Variants in PTPRN2 observed in about 807,000 individuals in gnomAD.
The protein encoded by PTPRN2 is protein tyrosine phosphatase receptor type N2, also known as receptor-type tyrosine-protein phosphatase N2.
In PTPRN2, 74 loss-of-function variants were observed where a neutral mutation model predicts 118.8. That is an observed-to-expected ratio of 0.62 (90% CI 0.52 to 0.76). The LOEUF is 0.76. Among genes scored for constraint, PTPRN2 ranks in the 30% least tolerant of loss-of-function variants. The probability of loss-of-function intolerance (pLI) is 0.00; values close to 1 mark genes in which losing one functional copy is unlikely to be tolerated. For missense variants in PTPRN2, 1,481 were observed against 1,394.4 expected (o/e 1.06, Z -0.99); for synonymous variants, 641 against 608.0 (o/e 1.05, Z -0.80).
intron 3 of PTPRN2, among the ~76,000 whole-genome samples, chr7:158,228,298 G>C (rs1828945771): frequency 6.6e-6 from 1 of 152,108 alleles, no homozygotes; most frequent in African/African-American, 2.4e-5. Flanking sequence ...CCTTCAAAAA[G>C]AAGAGTCACC....
chr7:158,536,449 A>G (rs1825649315), intron 1 of PTPRN2, among the ~76,000 whole-genome samples: 1 of 151,048 alleles, frequency 6.6e-6, no homozygotes, highest in Non-Finnish European at 1.5e-5. Context: ...AGACCCCACA[A>G]GGGCCTTTCC....
intron 3 of PTPRN2, among the ~76,000 whole-genome samples, chr7:158,309,048 T>C (rs369905518): frequency 4.1e-4 from 62 of 152,342 alleles, no homozygotes; most frequent in South Asian, 1.9e-3. Flanking sequence ...TCACTTCAAA[T>C]GTTTAAGGAA....
rs1563265088 is a variant in PTPRN2 at position 157,615,272 on chromosome 7, C to T, written c.2344+6090G>A. On this transcript the variant is annotated intron_variant, in intron 15 of 22. Transcript: ENST00000389418. This position sits in a 1 kb window ranked among gnomAD's most constrained non-coding sequence, Gnocchi z 4.3. ...TCATGCTAAGCCAGCCACACTTCTGCTCCAGAGAGGGCCCTGCAAGAGCGG... is the reference window on the plus strand; with the variant it reads ...TCATGCTAAGCCAGCCACACTTCTGTTCCAGAGAGGGCCCTGCAAGAGCGG... 1.7e-5 allele frequency: 6 copies of T among 356,204 alleles called. No homozygotes were observed. The highest frequency in any genetic ancestry group is 3.4e-5 in the Non-Finnish European group (6 of 176,250). The allele number at this position is 356,204 out of a possible 1,614,324, so 22.1% of individuals were successfully genotyped here.
intron 6 of PTPRN2, among the ~76,000 whole-genome samples, chr7:158,152,316 G>A (rs904279907): frequency 1.3e-5 from 2 of 152,200 alleles, no homozygotes; most frequent in African/African-American, 4.8e-5. Context: ...CATTGAGAAG[G>A]TGAAGTTTCA....
Position 157,785,459 on chromosome 7 carries a change from C to T in PTPRN2, c.1789-102522G>A, listed in dbSNP as rs555917587. Among the ~76,000 whole-genome samples the T allele has an allele frequency of 1.1e-4, 17 of 152,178 alleles. No homozygotes were observed. Among genetic ancestry groups the T allele is most frequent in the African/African-American group, 2.7e-4 (11 of 41,456 alleles). On this transcript the variant is annotated intron_variant, in intron 12 of 22. Coordinates refer to ENST00000389418, the MANE Select transcript of PTPRN2 (RefSeq NM_002847.5). This position sits in a 1 kb window ranked among gnomAD's most constrained non-coding sequence, Gnocchi z 7.3. ...GGCAGGGCTCAGAGGGGCCCCAGGC[C>T]GGCCCCACTCCCAGACTAGAGCCAG...
chr7:158,405,052 C>A (rs1313070699), intron 2 of PTPRN2, among the ~76,000 whole-genome samples: 1 of 145,330 alleles, frequency 6.9e-6, no homozygotes, highest in Non-Finnish European at 1.5e-5. Flanking sequence ...AGCTCCCCGG[C>A]CCCCAGCTCC....
intron 14 of PTPRN2, among the ~76,000 whole-genome samples, chr7:157,628,084 G>A (rs906769288): frequency 6.6e-6 from 1 of 152,170 alleles, no homozygotes; most frequent in Non-Finnish European, 1.5e-5. Context: ...CAGTCACTGG[G>A]TCACAAGACT....
intron 12 of PTPRN2, among the ~76,000 whole-genome samples, chr7:157,790,036 G>GGT (rs1220633384): frequency 3.6e-5 from 1 of 27,746 alleles, no homozygotes; most frequent in East Asian, 1.9e-3. Context: ...GTGTGGTGGG[G>GGT]GTGTGTGTGG....
At chr7:157,962,321 G>A (rs778836457) in intron 11 of PTPRN2, among the ~76,000 whole-genome samples, 19 of 148,650 alleles carry the variant, frequency 1.3e-4, no homozygotes, top group Admixed American at 2.0e-4. Context: ...TTCAGCAGGA[G>A]TGTTATTCCA....
At chr7:158,445,232 A>G (rs1817641686) in intron 2 of PTPRN2, among the ~76,000 whole-genome samples, 1 of 152,128 alleles carries the variant, frequency 6.6e-6, no homozygotes. Flanking sequence ...CCTTATCTGC[A>G]CAGCCTGAAG....
intron 10 of PTPRN2, among the ~76,000 whole-genome samples, chr7:158,092,830 G>A (rs1814302490): frequency 6.6e-6 from 1 of 152,206 alleles, no homozygotes; most frequent in Non-Finnish European, 1.5e-5. Context: ...TAGAGGCACA[G>A]GGGAACTTCC....
At chr7:157,941,210 CAT>C (rs1800085570) in intron 11 of PTPRN2, among the ~76,000 whole-genome samples, 3 of 77,288 alleles carry the variant, frequency 3.9e-5, no homozygotes, top group Non-Finnish European at 6.7e-5. Flanking sequence ...CACTCTCCCC[CAT>C]GACACTGCAA....
Position 157,595,331 on chromosome 7 carries a change from C to T in PTPRN2, c.2419-16G>A. 6.2e-7 allele frequency: 1 copy of T among 1,612,044 alleles called. No individual in the cohort carries two copies. The highest frequency in any genetic ancestry group is 1.1e-5 in the South Asian group (1 of 91,022). ...CGTGATCCATCTGCAGAGACAAGAC[C>T]ACACCACAGCGGTTAGCCAGGAGAT... On this transcript the variant is annotated splice_polypyrimidine_tract_variant and intron_variant, in intron 16 of 22. Coordinates refer to ENST00000389418, the MANE Select transcript of PTPRN2 (RefSeq NM_002847.5).
In PTPRN2 at chr7:157,878,896, A is replaced by G. The variant is rs79647202; in HGVS notation, c.1788+19777T>C. 4.3e-3 allele frequency among the ~76,000 whole-genome samples: 366 copies of G among 84,278 alleles called. 9 individuals carry two copies. The highest frequency in any genetic ancestry group is 0.017 in the African/African-American group (262 of 15,658). The allele number at this position is 84,278 out of a possible 152,430, so 55.3% of individuals were successfully genotyped here. A position where few individuals can be genotyped will look rare whatever the true frequency, so the allele number is the denominator to read the frequency against. On this transcript the variant is annotated intron_variant, in intron 12 of 22. Transcript: ENST00000389418. Reference sequence around the variant, plus strand: ...GGGCTGGAAGGGTCAGTGTGATACCATGCACCCACACTTACTCACCGAGGA... The same window carrying G: ...GGGCTGGAAGGGTCAGTGTGATACCGTGCACCCACACTTACTCACCGAGGA...
In PTPRN2 at chr7:158,509,845, G is replaced by C. The variant is rs1004038024; in HGVS notation, c.113-20060C>G. 6.6e-6 allele frequency among the ~76,000 whole-genome samples: 1 copy of C among 152,226 alleles called. No individual in the cohort carries two copies. The highest frequency in any genetic ancestry group is 1.5e-5 in the Non-Finnish European group (1 of 68,038). ...TGTTCCATGGCCGAGAGGGCTGTAA[G>C]TGATTTGGTGCATCTTAGATAGTCA... is the stretch of plus-strand genomic sequence containing the variant. On this transcript the variant is annotated intron_variant, in intron 1 of 22. Transcript: ENST00000389418. This position sits in a 1 kb window ranked among gnomAD's most constrained non-coding sequence, Gnocchi z 4.4.
intron 5 of PTPRN2, among the ~76,000 whole-genome samples, chr7:158,171,022 T>C (rs1461777884): frequency 6.8e-6 from 1 of 146,196 alleles, no homozygotes; most frequent in Non-Finnish European, 1.5e-5. Flanking sequence ...CATACATATA[T>C]ATACACATAT....
At chr7:158,171,125 TACAC>T (rs1554571431) in intron 5 of PTPRN2, among the ~76,000 whole-genome samples, 7 of 92,738 alleles carry the variant, frequency 7.5e-5, no homozygotes, top group East Asian at 7.4e-4. Context: ...CACACATATA[TACAC>T]ATATATACAC....
At chr7:158,385,777 T>C (rs1413817242) in intron 2 of PTPRN2, among the ~76,000 whole-genome samples, 2 of 152,142 alleles carry the variant, frequency 1.3e-5, no homozygotes, top group Admixed American at 1.3e-4. Context: ...AGAAGATGGG[T>C]TGGTGACCTT....
At chr7:157,949,740 T>A (rs1180932626) in intron 11 of PTPRN2, among the ~76,000 whole-genome samples, 1 of 152,254 alleles carries the variant, frequency 6.6e-6, no homozygotes, top group Non-Finnish European at 1.5e-5. Context: ...AGTCTCCTGC[T>A]CTATAGCTCC....
Sources: gnomAD v4.1 joint callset for allele counts (sites outside exome capture counted in the v4.1 genomes callset) on GRCh38, gnomAD v4.1.1 for gene constraint, Gnocchi (gnomAD v3.1) non-coding constraint, MANE v1.5 for transcripts, NCBI Gene and HGNC (gene_info 2026-07-23, HGNC 2026-07-21) for gene names.